RYR3: variants seen among roughly 807,000 people sequenced by gnomAD.
RYR3 encodes the protein brain ryanodine receptor-calcium release channel.
Under a neutral mutation model 584.3 loss-of-function variants are expected in RYR3, and 207 were observed. The observed-to-expected ratio is 0.35, with a 90% CI of 0.32 to 0.40. The LOEUF (loss-of-function observed/expected upper bound fraction) is 0.40, where lower values mean the gene tolerates loss of function less well. RYR3 is among the 10% of genes least tolerant of loss of function. The pLI, the probability that RYR3 is intolerant of heterozygous loss-of-function variation, is 1.00. For missense variants in RYR3, 5,616 were observed against 6,089.2 expected (o/e 0.92, Z 2.59); for synonymous variants, 2,416 against 2,248.5 (o/e 1.07, Z -2.11).
Position 33,669,853 on chromosome 15 carries a change from G to GGGGTGT in RYR3, c.5722+400_5722+401insTGTGGG, listed in dbSNP as rs2063722145. Among the ~76,000 whole-genome samples the GGGGTGT allele has an allele frequency of 3.3e-3, 133 of 40,130 alleles. 4 individuals carry two copies. The highest frequency in any genetic ancestry group is 8.2e-3 in the African/African-American group (125 of 15,172). The allele number at this position is 40,130 out of a possible 152,430, so 26.3% of individuals were successfully genotyped here. A position where few individuals can be genotyped will look rare whatever the true frequency, so the allele number is the denominator to read the frequency against. On this transcript the variant is annotated intron_variant, in intron 37 of 103. Coordinates refer to ENST00000634891, the MANE Select transcript of RYR3 (RefSeq NM_001036.6). ...AGGGGTGTGTGTGTGTGGGGGGGGGGGGGGGTGTGGGTGTGTGGGTGTGTG... is the reference window on the plus strand; with the variant it reads ...AGGGGTGTGTGTGTGTGGGGGGGGGGGGGTGTGGGGGTGTGGGTGTGTGGGTGTGTG...
intron 1 of RYR3, among the ~76,000 whole-genome samples, chr15:33,361,771 A>G (rs1011504437): frequency 6.6e-6 from 1 of 152,250 alleles, no homozygotes. Context: ...CGTGAGGAGT[A>G]GCTGGTGGTG....
At chr15:33,710,946 G>T (rs1234744370) in intron 43 of RYR3, among the ~76,000 whole-genome samples, 3 of 152,166 alleles carry the variant, frequency 2.0e-5, no homozygotes, top group Non-Finnish European at 4.4e-5. Flanking sequence ...GGGAGGGGCT[G>T]CCATGAAGGT....
rs7168551 is a variant in RYR3, at chr15:33,835,175, G to A, written c.11568+103G>A. On this transcript the variant is annotated intron_variant, in intron 87 of 103. Coordinates refer to ENST00000634891, the MANE Select transcript of RYR3 (RefSeq NM_001036.6). ...GATGTGGCTGCTTGATCAAAGGCTG[G>A]ACAAGCCATGCATATTAGGTCTCAG... 8.3e-4 allele frequency: 721 copies of A among 869,738 alleles called. 3 individuals are homozygous for A. In the African/African-American group the frequency reaches 0.011, roughly 13 times the overall value. The allele number at this position is 869,738 out of a possible 1,614,324, so 53.9% of individuals were successfully genotyped here. A position where few individuals can be genotyped will look rare whatever the true frequency, so the allele number is the denominator to read the frequency against.
rs559692775 is a variant in RYR3, at chr15:33,479,760, C to T, written c.171+6222C>T. Among the ~76,000 whole-genome samples the T allele has an allele frequency of 4.2e-4, 64 of 152,236 alleles. 3 individuals are homozygous for T. In the South Asian group the frequency reaches 0.013, roughly 31 times the overall value. On this transcript the variant is annotated intron_variant, in intron 2 of 103. Transcript: ENST00000634891. ...TAAGGGTAAAGAAGGCATATTACTC[C>T]ATGTAATTAGACTTCAGAAATGCCT... is the stretch of plus-strand genomic sequence containing the variant.
In RYR3 at chr15:33,636,433, G is replaced by A. The variant is rs1396334272; in HGVS notation, c.3439G>A (p.Val1147Met). 1.2e-6 allele frequency: 2 copies of A among 1,613,936 alleles called. No individual in the cohort carries two copies. Among genetic ancestry groups the A allele is most frequent in the Non-Finnish European group, 1.7e-6 (2 of 1,179,834 alleles). Reference sequence around the variant, plus strand: ...TGGGCGTACCTGGCAGCCAGGGGATGTGGTCGGATGTATGATTAACCTGGA... The same window carrying A: ...TGGGCGTACCTGGCAGCCAGGGGATATGGTCGGATGTATGATTAACCTGGA... ...YFGRTWQPGD[V>M]VGCMINLDDA... The change falls in exon 27 of 104, where the codon GTG (valine) becomes ATG (methionine). Residue 1147 changes from valine to methionine, a missense_variant. Physicochemically the swap from Val to Met is conservative, Grantham distance 21. Coordinates refer to ENST00000634891, the MANE Select transcript of RYR3 (RefSeq NM_001036.6).
At chr15:33,432,434 T>C (rs1376464863) in intron 1 of RYR3, among the ~76,000 whole-genome samples, 2 of 151,918 alleles carry the variant, frequency 1.3e-5, no homozygotes, top group Admixed American at 6.6e-5. Flanking sequence ...TCCAAGACTT[T>C]TTCTTGTCTT....
chr15:33,721,014 A>C lies in RYR3; in HGVS notation c.6620-1701A>C, dbSNP rs574414383. 2.0e-5 allele frequency among the ~76,000 whole-genome samples: 3 copies of C among 152,350 alleles called. No individual in the cohort carries two copies. The East Asian group carries it at 5.8e-4, about 29-fold the overall frequency. ...CTCCTCCCTCCAAAATACAGAGCCTAATTCTCCCTTTACATGTAAGCTGGA... is the reference window on the plus strand; with the variant it reads ...CTCCTCCCTCCAAAATACAGAGCCTCATTCTCCCTTTACATGTAAGCTGGA... On this transcript the variant is annotated intron_variant, in intron 43 of 103. Coordinates refer to ENST00000634891, the MANE Select transcript of RYR3 (RefSeq NM_001036.6).
At chr15:33,456,323 A>C (rs2047553938) in intron 1 of RYR3, among the ~76,000 whole-genome samples, 1 of 152,220 alleles carries the variant, frequency 6.6e-6, no homozygotes, top group Non-Finnish European at 1.5e-5. Context: ...CAAGAGGATT[A>C]ACTAGTTAAT....
At chr15:33,818,366 T>TA (rs1368074977) in intron 75 of RYR3, among the ~76,000 whole-genome samples, 2 of 152,168 alleles carry the variant, frequency 1.3e-5, no homozygotes, top group Admixed American at 1.3e-4. Flanking sequence ...GCTGTAAAAA[T>TA]AAAAAATATA....
At chr15:33,835,163 G>A in intron 87 of RYR3, 91 bp downstream of exon 87, 1 of 995,890 alleles carries the variant, frequency 1.0e-6, no homozygotes, top group Non-Finnish European at 1.5e-6. Flanking sequence ...GTGGCTGCTT[G>A]ATCAAAGGCT....
At chr15:33,587,285 T>A (rs557313452) in intron 16 of RYR3, among the ~76,000 whole-genome samples, 1 of 152,304 alleles carries the variant, frequency 6.6e-6, no homozygotes, top group African/African-American at 2.4e-5. Flanking sequence ...CGAAGTGTAA[T>A]GAGAATAATC....
chr15:33,471,245 A>G (rs560454104), intron 1 of RYR3, among the ~76,000 whole-genome samples: 16 of 152,204 alleles, frequency 1.1e-4, no homozygotes, highest in Non-Finnish European at 1.6e-4. Flanking sequence ...TGTGGGAAAG[A>G]GTAGAAATCG....
In RYR3 at chr15:33,835,020, C is replaced by T. The variant is rs759088001; in HGVS notation, c.11516C>T (p.Ala3839Val). Residue 3839 changes from alanine (A) to valine (V), a missense_variant, in exon 87 of 104, where the codon GCA becomes GTA. Physicochemically the swap from Ala to Val is moderately conservative, Grantham distance 64. This residue lies in a region of RYR3 where 954 missense variants were observed against 1,132.2 expected (regional missense o/e 0.84). Coordinates refer to ENST00000634891, the MANE Select transcript of RYR3 (RefSeq NM_001036.6). ...CTGGCTCACAGCAGGCTGTGGGACG[C>T]AGTGGTTGGCTTCCTCCATGTCTTT... ...QSLAHSRLWD[A>V]VVGFLHVFAN... 4 of 1,613,962 alleles carry T rather than the reference C, an allele frequency of 2.5e-6. No individual in the cohort carries two copies. The highest frequency in any genetic ancestry group is 1.7e-5 in the Admixed American group (1 of 60,028).
At position 33,796,139 on chromosome 15, in the gene RYR3, T is replaced by C. The variant is rs2075603685; in HGVS notation, c.9831-4631T>C. ...GTTTTGTTTTGTTTTGTTTTTGTTT[T>C]TGTTTTTGTTTTTAGGACAAAGTCT... is the stretch of plus-strand genomic sequence containing the variant. On this transcript the variant is annotated intron_variant, in intron 67 of 103. Transcript: ENST00000634891. Among the ~76,000 whole-genome samples the C allele has an allele frequency of 2.6e-5, 4 of 152,078 alleles. No individual in the cohort carries two copies. In the South Asian group the frequency reaches 8.4e-4, roughly 32 times the overall value.
At chr15:33,781,742 T>G (rs894504155) in intron 65 of RYR3, among the ~76,000 whole-genome samples, 1 of 151,754 alleles carries the variant, frequency 6.6e-6, no homozygotes, top group Admixed American at 6.6e-5. Context: ...AAGAGAAACA[T>G]TGCCAAGATG....
intron 51 of RYR3, 65 bp from the exon 52 acceptor site, chr15:33,742,301 C>A: frequency 9.9e-7 from 1 of 1,010,874 alleles, no homozygotes; most frequent in Non-Finnish European, 1.6e-6. Context: ...GTAGTTCTGA[C>A]TATCTTCTAC....
At chr15:33,675,402 T>C (rs991119157) in intron 38 of RYR3, among the ~76,000 whole-genome samples, 11 of 152,232 alleles carry the variant, frequency 7.2e-5, no homozygotes, top group Admixed American at 5.2e-4. Flanking sequence ...CAACCTGAAT[T>C]CAACGCCCAT....
rs1194099872 is a variant in RYR3 at position 33,818,638 on chromosome 15, C to T, written c.10660C>T (p.His3554Tyr). The T allele has an allele frequency of 2.5e-6, 4 of 1,613,836 alleles. No individual in the cohort carries two copies. The highest frequency in any genetic ancestry group is 1.1e-5 in the South Asian group (1 of 91,082). Reference protein sequence around the residue: ...EETEKQPDPLHQIILYFSRNA... With the variant: ...EETEKQPDPLYQIILYFSRNA... ...GACAGAAAAACAACCTGACCCACTACATCAGATCATTCTCTATTTTAGCCG... is the reference window on the plus strand; with the variant it reads ...GACAGAAAAACAACCTGACCCACTATATCAGATCATTCTCTATTTTAGCCG... The change falls in exon 76 of 104, where the codon CAT becomes TAT. Residue 3554 changes from histidine to tyrosine, a missense_variant. Around this residue, in one of 9 missense-constraint regions of RYR3, gnomAD observed 954 missense variants for 1,132.2 expected, o/e 0.84. Coordinates refer to ENST00000634891, the MANE Select transcript of RYR3 (RefSeq NM_001036.6).
intron 1 of RYR3, among the ~76,000 whole-genome samples, chr15:33,401,680 A>G (rs1426531255): frequency 6.6e-6 from 1 of 152,230 alleles, no homozygotes; most frequent in Admixed American, 6.5e-5. Context: ...GTGGACCACC[A>G]TTTAACAGTT....
Sources: allele counts gnomAD v4.1 joint callset (sites outside exome capture counted in the v4.1 genomes callset), GRCh38; gene constraint gnomAD v4.1.1; regional missense constraint gnomAD v4.1.1; transcripts MANE v1.5; gene names NCBI Gene and HGNC (gene_info 2026-07-23, HGNC 2026-07-21).